CARD8: variants seen among roughly 807,000 people sequenced by gnomAD.
CARD8 encodes the protein caspase recruitment domain family member 8.
In CARD8, 38 loss-of-function variants were observed where a neutral mutation model predicts 53.2. The observed-to-expected ratio is 0.71, with a 90% CI of 0.55 to 0.94. The LOEUF (loss-of-function observed/expected upper bound fraction) is 0.94. CARD8 is among the 40% of genes least tolerant of loss of function. The pLI, the probability that CARD8 is intolerant of heterozygous loss-of-function variation, is 0.00. For missense variants in CARD8, 561 were observed against 655.5 expected (o/e 0.86, Z 1.57); for synonymous variants, 245 against 244.9 (o/e 1.00, Z 0.00).
chr19:48,223,450 G>T (rs753788459), intron 10 of CARD8, among the ~76,000 whole-genome samples: 26 of 152,128 alleles, frequency 1.7e-4, no homozygotes, highest in Non-Finnish European at 3.1e-4. Flanking sequence ...TATGATGGGG[G>T]TAAGGCAGAG....
intron 13 of CARD8, among the ~76,000 whole-genome samples, chr19:48,213,930 T>G (rs1017982780): frequency 3.3e-5 from 5 of 152,234 alleles, no homozygotes; most frequent in African/African-American, 1.2e-4. Flanking sequence ...TCTTGGACTT[T>G]CAACTGCCAG....
In CARD8 at chr19:48,249,540, T is replaced by G. The variant is rs2046667869; in HGVS notation, c.-61A>C. The G allele has an allele frequency of 6.6e-6, 1 of 152,370 alleles. No individual in the cohort carries two copies. The highest frequency in any genetic ancestry group is 1.5e-5 in the Non-Finnish European group (1 of 68,054). The allele number at this position is 152,370 out of a possible 1,614,324, so 9.4% of individuals were successfully genotyped here. On this transcript the variant is annotated 5_prime_UTR_variant, in exon 3 of 14. Transcript: ENST00000651546. ...CTACTCACATTGAAGATGGCCCAGA[T>G]GCTTGCACTAACCGCGTTTACCGCC...
At chr19:48,250,625 G>T (rs1307489107) in intron 1 of CARD8, among the ~76,000 whole-genome samples, 1 of 152,160 alleles carries the variant, frequency 6.6e-6, no homozygotes, top group Non-Finnish European at 1.5e-5. Context: ...ATGCCAGCAT[G>T]GACCTCTCCC....
At chr19:48,243,115 C>T (rs1013709055) in intron 3 of CARD8, among the ~76,000 whole-genome samples, 7 of 152,104 alleles carry the variant, frequency 4.6e-5, no homozygotes, top group African/African-American at 1.4e-4. Flanking sequence ...CAGGTTCAAG[C>T]GATTTTCCTG....
chr19:48,252,325 A>T (rs1162834243), intron 1 of CARD8, among the ~76,000 whole-genome samples: 5 of 152,108 alleles, frequency 3.3e-5, no homozygotes, highest in Non-Finnish European at 7.4e-5. Flanking sequence ...AAATAACAGT[A>T]TATAAATATT....
rs1568886340 is a variant in CARD8, at chr19:48,241,009, C to T, written c.12G>A (p.Lys4=). MEK[K]ECPEKSSSSE... The stretch of plus-strand genomic sequence containing the variant: ...TGCTGCTACTCTTTTCTGGACACTC[C>T]TTTTTTTCCATTTGTCAAATGTGGT... The change falls in exon 4 of 14, where the codon AAG becomes AAA. Residue 4 remains lysine (K), a synonymous_variant. Coordinates refer to ENST00000651546, the MANE Select transcript of CARD8 (RefSeq NM_001184900.3). 3.3e-6 allele frequency: 5 copies of T among 1,535,888 alleles called. No homozygotes were observed. Among genetic ancestry groups the T allele is most frequent in the South Asian group, 1.2e-5 (1 of 84,052 alleles).
chr19:48,211,004 G>A lies in CARD8; in HGVS notation c.*706C>T, dbSNP rs1438191605. On this transcript the variant is annotated 3_prime_UTR_variant, in exon 14 of 14. Coordinates refer to ENST00000651546, the MANE Select transcript of CARD8 (RefSeq NM_001184900.3). ...AATTACCCTCATTTTCTTTTTGGTGGTTCTGTGGAGTTGATTTACCACATT... is the reference window on the plus strand; with the variant it reads ...AATTACCCTCATTTTCTTTTTGGTGATTCTGTGGAGTTGATTTACCACATT... 1 of 152,240 alleles carries A rather than the reference G, an allele frequency of 6.6e-6. No individual in the cohort carries two copies. The highest frequency in any genetic ancestry group is 2.4e-5 in the African/African-American group (1 of 41,404). The allele number at this position is 152,240 out of a possible 1,614,324, so 9.4% of individuals were successfully genotyped here. A position where few individuals can be genotyped will look rare whatever the true frequency, so the allele number is the denominator to read the frequency against.
chr19:48,241,571 T>G (rs1287291532), intron 3 of CARD8, among the ~76,000 whole-genome samples: 1 of 152,090 alleles, frequency 6.6e-6, no homozygotes, highest in Non-Finnish European at 1.5e-5. Flanking sequence ...TTCAAATTCT[T>G]TTATTTTTGA....
chr19:48,232,564 A>G, intron 6 of CARD8, 71 bp from the exon 7 acceptor site: 2 of 1,343,030 alleles, frequency 1.5e-6, no homozygotes, highest in Non-Finnish European at 1.0e-6. Flanking sequence ...GATGAAGACG[A>G]TGTTATTGAA....
intron 10 of CARD8, among the ~76,000 whole-genome samples, chr19:48,224,798 C>T (rs1439415727): frequency 1.3e-5 from 2 of 149,772 alleles, no homozygotes; most frequent in African/African-American, 2.5e-5. Context: ...CTCTGTCGCC[C>T]AGGCTGGAGT....
At chr19:48,216,615 G>A (rs566644399) in intron 12 of CARD8, among the ~76,000 whole-genome samples, 5 of 152,198 alleles carry the variant, frequency 3.3e-5, no homozygotes, top group Admixed American at 6.5e-5. Flanking sequence ...GAGAAGGGGA[G>A]GCACAGCCAT....
chr19:48,214,696 C>T (rs1252298563), intron 13 of CARD8, among the ~76,000 whole-genome samples: 1 of 148,782 alleles, frequency 6.7e-6, no homozygotes, highest in Non-Finnish European at 1.5e-5. Context: ...AAACCGTGCA[C>T]TTGTCTTTCA....
At chr19:48,213,334 A>G (rs930593597) in intron 13 of CARD8, among the ~76,000 whole-genome samples, 3 of 151,960 alleles carry the variant, frequency 2.0e-5, no homozygotes, top group Non-Finnish European at 4.4e-5. Context: ...GATGATGGAA[A>G]CTTGGTCCTC....
At chr19:48,205,510 G>A (rs1488487986), downstream of CARD8, among the ~76,000 whole-genome samples, 1 of 152,122 alleles carries the variant, frequency 6.6e-6, no homozygotes, top group Non-Finnish European at 1.5e-5. Context: ...GATTATAGGC[G>A]TGAGCCACTG....
Position 48,211,756 on chromosome 19 carries a change from TC to T in CARD8, c.1567del (p.Glu523LysfsTer107), listed in dbSNP as rs756792561. ...ALDVLFRSIS[E>X]RDPYLVSYLR... ...ATAGGACACGAGGTAAGGGTCCCTT[TC>T]ACTAATGCTTCTGAAGAGCACGTCC... is the stretch of plus-strand genomic sequence containing the variant. On this transcript the variant is annotated frameshift_variant, in exon 14 of 14. Coordinates refer to ENST00000651546, the MANE Select transcript of CARD8 (RefSeq NM_001184900.3). LOFTEE classifies it high-confidence loss of function. 1 of 1,614,188 alleles carries T rather than the reference TC, an allele frequency of 6.2e-7. No homozygotes were observed. The highest frequency in any genetic ancestry group is 8.5e-7 in the Non-Finnish European group (1 of 1,180,036).
At chr19:48,243,990 C>T (rs1359637210) in intron 3 of CARD8, among the ~76,000 whole-genome samples, 1 of 152,148 alleles carries the variant, frequency 6.6e-6, no homozygotes, top group African/African-American at 2.4e-5. Flanking sequence ...AAAAGCATCT[C>T]TCACTTTAGT....
intron 1 of CARD8, among the ~76,000 whole-genome samples, chr19:48,254,762 C>G (rs1399963927): frequency 1.3e-5 from 2 of 152,024 alleles, no homozygotes; most frequent in African/African-American, 2.4e-5. Flanking sequence ...CAAATAGAGC[C>G]AGGAAGGCCA....
At position 48,210,808 on chromosome 19, in the gene CARD8, T is replaced by TTTAAACAGA. The variant is rs534086058; in HGVS notation, c.*893_*901dup. ...CAGATGGTGTCTACTAGGAACTTGT[T>TTTAAACAGA]TTAAACAGATTAAACATAAAAGGAT... On this transcript the variant is annotated 3_prime_UTR_variant, in exon 14 of 14. Transcript: ENST00000651546. The TTTAAACAGA allele has an allele frequency of 8.8e-3, 1,344 of 152,464 alleles. 6 individuals carry two copies. Among genetic ancestry groups the TTTAAACAGA allele is most frequent in the Non-Finnish European group, 0.015 (1,039 of 68,034 alleles). 9.4% of individuals were successfully genotyped at this position (152,464 alleles called of 1,614,324 possible).
At chr19:48,232,353 G>C (rs1485325589) in intron 7 of CARD8, 100 bp downstream of exon 7, 1 of 1,135,074 alleles carries the variant, frequency 8.8e-7, no homozygotes, top group African/African-American at 1.5e-5. Flanking sequence ...AAGCACTCCT[G>C]ATCTGCACAA....
Sources: gnomAD v4.1 joint callset for allele counts (sites outside exome capture counted in the v4.1 genomes callset) on GRCh38, gnomAD v4.1.1 for gene constraint, MANE v1.5 for transcripts, NCBI Gene and HGNC (gene_info 2026-07-23, HGNC 2026-07-21) for gene names.